NBEA: variants seen among roughly 807,000 people sequenced by gnomAD.
The protein encoded by NBEA is neurobeachin, also known as lysosomal-trafficking regulator 2.
NBEA carries 44 observed loss-of-function variants against 343.4 expected under a neutral mutation model. The observed-to-expected ratio is 0.13, with a 90% CI of 0.10 to 0.16. The LOEUF (loss-of-function observed/expected upper bound fraction) is 0.16. Among genes scored for constraint, NBEA ranks in the 10% least tolerant of loss-of-function variants. The pLI, the probability that NBEA is intolerant of heterozygous loss-of-function variation, is 1.00. For synonymous variants in NBEA, 1,175 were observed against 1,238.7 expected (o/e 0.95, Z 1.08); for missense variants, 2,555 against 3,631.3 (o/e 0.70, Z 7.62).
At chr13:35,083,413 C>T (rs1030238938) in intron 10 of NBEA, among the ~76,000 whole-genome samples, 32 of 152,100 alleles carry the variant, frequency 2.1e-4, no homozygotes, top group Admixed American at 9.8e-4. Context: ...CTGATCTCTC[C>T]GCAGAAACTC....
intron 1 of NBEA, among the ~76,000 whole-genome samples, chr13:35,034,919 C>T (rs191943132): frequency 2.0e-5 from 3 of 151,556 alleles, no homozygotes; most frequent in Non-Finnish European, 4.4e-5. Context: ...GATCCTCTCT[C>T]TTAGTCTGGC....
chr13:35,302,154 G>A (rs2036597383), intron 35 of NBEA, among the ~76,000 whole-genome samples: 1 of 151,988 alleles, frequency 6.6e-6, no homozygotes, highest in Admixed American at 6.6e-5. Flanking sequence ...TTACTTTATT[G>A]TTCTTACATT....
At chr13:35,551,315 A>C (rs2079313240) in intron 43 of NBEA, among the ~76,000 whole-genome samples, 1 of 152,188 alleles carries the variant, frequency 6.6e-6, no homozygotes, top group Non-Finnish European at 1.5e-5. Context: ...GCTTGTTAAA[A>C]TCTTACAGGA....
chr13:35,317,685 T>C (rs2037837554), intron 36 of NBEA, among the ~76,000 whole-genome samples: 1 of 152,220 alleles, frequency 6.6e-6, no homozygotes. Flanking sequence ...AATCTATAAA[T>C]TACTTTGGGC....
intron 49 of NBEA, among the ~76,000 whole-genome samples, chr13:35,633,376 A>G (rs1050480369): frequency 6.6e-6 from 1 of 150,424 alleles, no homozygotes; most frequent in African/African-American, 2.4e-5. Context: ...TGCTGGGATT[A>G]CAGGCGTGAG....
chr13:35,451,123 TTTTG>T (rs952780860), intron 39 of NBEA, among the ~76,000 whole-genome samples: 11 of 152,116 alleles, frequency 7.2e-5, no homozygotes, highest in South Asian at 2.1e-4. Flanking sequence ...CTTTTTGTGT[TTTTG>T]TTTGTTTGTT....
intron 1 of NBEA, among the ~76,000 whole-genome samples, chr13:34,960,443 A>G (rs2059626807): frequency 6.6e-6 from 1 of 152,074 alleles, no homozygotes; most frequent in African/African-American, 2.4e-5. Context: ...TAGCTCAAGT[A>G]TATACATTTT....
At chr13:35,342,709 CTTAT>C (rs2039654688) in intron 36 of NBEA, among the ~76,000 whole-genome samples, 1 of 151,856 alleles carries the variant, frequency 6.6e-6, no homozygotes, top group African/African-American at 2.4e-5. Context: ...TAACTTCATA[CTTAT>C]TTAAGTTAAC....
chr13:35,273,237 C>G (rs1449579123), intron 34 of NBEA, among the ~76,000 whole-genome samples: 1 of 152,118 alleles, frequency 6.6e-6, no homozygotes, highest in African/African-American at 2.4e-5. Flanking sequence ...ACTGAAGACC[C>G]TGCACCTAAA....
intron 36 of NBEA, among the ~76,000 whole-genome samples, chr13:35,343,329 A>G (rs1040958436): frequency 6.6e-6 from 1 of 152,164 alleles, no homozygotes; most frequent in Admixed American, 6.6e-5. Context: ...TATCTCAGTT[A>G]TCAAAATATC....
intron 33 of NBEA, among the ~76,000 whole-genome samples, chr13:35,220,642 G>C (rs1225355115): frequency 3.3e-5 from 5 of 151,930 alleles, no homozygotes; most frequent in Non-Finnish European, 4.4e-5. Context: ...CTGTTTTAAA[G>C]GTGTTCTGTA....
chr13:35,081,453 AT>A (rs2064391494), intron 10 of NBEA, among the ~76,000 whole-genome samples: 1 of 151,830 alleles, frequency 6.6e-6, no homozygotes, highest in African/African-American at 2.4e-5. Context: ...TACATATATT[AT>A]TTTTTGAACT....
intron 38 of NBEA, among the ~76,000 whole-genome samples, chr13:35,394,523 C>G (rs755808739): frequency 5.3e-5 from 8 of 151,966 alleles, no homozygotes; most frequent in Non-Finnish European, 8.8e-5. Flanking sequence ...GATTTACCCA[C>G]AAATACAAAG....
intron 10 of NBEA, among the ~76,000 whole-genome samples, chr13:35,074,989 T>C (rs2064051060): frequency 6.6e-6 from 1 of 152,194 alleles, no homozygotes; most frequent in African/African-American, 2.4e-5. Flanking sequence ...TTTTCCCTGA[T>C]AGCCACTGTT....
chr13:35,111,035 G>T, intron 13 of NBEA, 57 bp downstream of exon 13: 2 of 1,439,402 alleles, frequency 1.4e-6, no homozygotes, highest in Non-Finnish European at 1.9e-6. Flanking sequence ...TGTATTCTGA[G>T]TACTGTTAAA....
At chr13:35,263,874 G>T (rs953366539) in intron 34 of NBEA, among the ~76,000 whole-genome samples, 1 of 151,650 alleles carries the variant, frequency 6.6e-6, no homozygotes, top group Non-Finnish European at 1.5e-5. Flanking sequence ...TTAGAAAAAC[G>T]AGAAAACTAA....
At chr13:35,092,155 C>T (rs986502870) in intron 10 of NBEA, among the ~76,000 whole-genome samples, 1 of 151,854 alleles carries the variant, frequency 6.6e-6, no homozygotes, top group Non-Finnish European at 1.5e-5. Context: ...CAAAAGTAGT[C>T]TAATGGAGGA....
At chr13:35,475,512 A>T in intron 41 of NBEA, 1 of 1,612,050 alleles carries the variant, frequency 6.2e-7, no homozygotes, top group South Asian at 1.1e-5. Context: ...TGGACAAGAG[A>T]TTGAAACCTT....
intron 41 of NBEA, among the ~76,000 whole-genome samples, chr13:35,538,424 A>G (rs1422681153): frequency 6.6e-6 from 1 of 152,232 alleles, no homozygotes; most frequent in Non-Finnish European, 1.5e-5. Context: ...CACTGAATTT[A>G]TACGCTACTG....
Sources: allele counts gnomAD v4.1 joint callset (sites outside exome capture counted in the v4.1 genomes callset), GRCh38; gene constraint gnomAD v4.1.1; transcripts MANE v1.5; gene names NCBI Gene and HGNC (gene_info 2026-07-23, HGNC 2026-07-21).